ZNF804A: variants seen among roughly 807,000 people sequenced by gnomAD.
The protein encoded by ZNF804A is zinc finger protein 804A.
In ZNF804A, 2 loss-of-function variants were observed where a neutral mutation model predicts 16.5. That is an observed-to-expected ratio of 0.12 (90% CI 0.05 to 0.38). The LOEUF is 0.38. Ranked by LOEUF, ZNF804A falls within the 10% of genes least tolerant of loss-of-function variation. The pLI is 0.99. For synonymous variants in ZNF804A, 534 were observed against 489.6 expected (o/e 1.09, Z -1.20); for missense variants, 1,473 against 1,390.7 (o/e 1.06, Z -0.94).
intron 1 of ZNF804A, among the ~76,000 whole-genome samples, chr2:184,808,717 T>C (rs923927613): frequency 3.3e-5 from 5 of 151,690 alleles, no homozygotes; most frequent in African/African-American, 1.2e-4. Context: ...AAATATTTAG[T>C]AAAAATTGGT....
At position 184,790,600 on chromosome 2, in the gene ZNF804A, T is replaced by A. The variant is rs185930567; in HGVS notation, c.112-75769T>A. On this transcript the variant is annotated intron_variant, in intron 1 of 3. Transcript: ENST00000302277. ...ACCTTTATTCTTCTTATTATTTATTTTTTATTTATTTATTTATTTTTGAGA... is the reference window on the plus strand; with the variant it reads ...ACCTTTATTCTTCTTATTATTTATTATTTATTTATTTATTTATTTTTGAGA... Among the ~76,000 whole-genome samples, 14 of 152,008 alleles carry A rather than the reference T, an allele frequency of 9.2e-5. No individual in the cohort carries two copies. The East Asian group carries it at 9.7e-4, about 10-fold the overall frequency.
rs116703647 is a variant in ZNF804A, at chr2:184,742,060, T to C, written c.112-124309T>C. 2.0e-3 allele frequency among the ~76,000 whole-genome samples: 306 copies of C among 152,230 alleles called. 1 individual carries two copies. The highest frequency in any genetic ancestry group is 7.1e-3 in the African/African-American group (295 of 41,572). ...AGTTTTAGAAATTGATTCTTATCAA[T>C]AAGATATAAAATCTGCTCTTATAAA... On this transcript the variant is annotated intron_variant, in intron 1 of 3. Coordinates refer to ENST00000302277, the MANE Select transcript of ZNF804A (RefSeq NM_194250.2).
At chr2:184,703,849 A>G (rs946951609) in intron 1 of ZNF804A, among the ~76,000 whole-genome samples, 1 of 152,140 alleles carries the variant, frequency 6.6e-6, no homozygotes, top group Middle Eastern at 3.2e-3. Context: ...ATAATAGTGC[A>G]TATATAAAAT....
At chr2:184,747,787 T>C (rs1489941062) in intron 1 of ZNF804A, among the ~76,000 whole-genome samples, 1 of 151,228 alleles carries the variant, frequency 6.6e-6, no homozygotes, top group Non-Finnish European at 1.5e-5. Flanking sequence ...ATAGGTAGTT[T>C]CTCTGTGAAC....
intron 1 of ZNF804A, among the ~76,000 whole-genome samples, chr2:184,840,707 G>A (rs774611870): frequency 6.6e-6 from 1 of 151,736 alleles, no homozygotes; most frequent in Non-Finnish European, 1.5e-5. Flanking sequence ...AAATATACAC[G>A]CCCGCTAACA....
At chr2:184,606,359 C>A (rs886758876) in intron 1 of ZNF804A, among the ~76,000 whole-genome samples, 2 of 152,050 alleles carry the variant, frequency 1.3e-5, no homozygotes, top group African/African-American at 2.4e-5. Context: ...AGGGGAAATG[C>A]CAGATGCGTA....
At chr2:184,909,158 C>A (rs1278416975) in intron 2 of ZNF804A, among the ~76,000 whole-genome samples, 1 of 152,058 alleles carries the variant, frequency 6.6e-6, no homozygotes, top group East Asian at 1.9e-4. Flanking sequence ...CTGTTAGGAA[C>A]AAGTCTGTTT....
intron 1 of ZNF804A, among the ~76,000 whole-genome samples, chr2:184,684,681 G>A (rs765772655): frequency 8.5e-5 from 13 of 152,116 alleles, no homozygotes; most frequent in African/African-American, 1.2e-4. Context: ...CCCAGTTAGT[G>A]AGCACAGTAC....
At position 184,829,932 on chromosome 2, in the gene ZNF804A, A is replaced by AC. The variant is rs1467692363; in HGVS notation, c.112-36437_112-36436insC. ...AAAAAAAAAAAAAAAACAAAAACAAAAAAAAAAAAACCACACACACACAAA... is the reference window on the plus strand; with the variant it reads ...AAAAAAAAAAAAAAAACAAAAACAAACAAAAAAAAAACCACACACACACAAA... On this transcript the variant is annotated intron_variant, in intron 1 of 3. Coordinates refer to ENST00000302277, the MANE Select transcript of ZNF804A (RefSeq NM_194250.2). 1.2e-3 allele frequency among the ~76,000 whole-genome samples: 166 copies of AC among 138,192 alleles called. 1 individual carries two copies. Among genetic ancestry groups the AC allele is most frequent in the African/African-American group, 5.0e-3 (160 of 31,862 alleles). The allele number at this position is 138,192 out of a possible 152,430, so 90.7% of individuals were successfully genotyped here. A position where few individuals can be genotyped will look rare whatever the true frequency, so the allele number is the denominator to read the frequency against.
chr2:184,731,732 G>T (rs1225838110), intron 1 of ZNF804A, among the ~76,000 whole-genome samples: 1 of 151,558 alleles, frequency 6.6e-6, no homozygotes, highest in Non-Finnish European at 1.5e-5. Context: ...ACACTACCTG[G>T]CTATTTTTTA....
intron 1 of ZNF804A, among the ~76,000 whole-genome samples, chr2:184,723,901 A>G (rs1198983651): frequency 6.6e-6 from 1 of 151,694 alleles, no homozygotes; most frequent in African/African-American, 2.4e-5. Context: ...AGATACATAG[A>G]TGGATGGATT....
chr2:184,794,891 C>T (rs866927475), intron 1 of ZNF804A, among the ~76,000 whole-genome samples: 1 of 151,724 alleles, frequency 6.6e-6, no homozygotes, highest in Middle Eastern at 3.4e-3. Context: ...TATATATGCA[C>T]CTAACATACT....
At chr2:184,783,238 C>T (rs1179131041) in intron 1 of ZNF804A, among the ~76,000 whole-genome samples, 4 of 134,332 alleles carry the variant, frequency 3.0e-5, no homozygotes, top group East Asian at 4.8e-4. Context: ...TAGGATACAG[C>T]GGGTAGGCAA....
intron 1 of ZNF804A, among the ~76,000 whole-genome samples, chr2:184,842,760 A>G (rs910718208): frequency 2.0e-5 from 3 of 152,150 alleles, no homozygotes; most frequent in African/African-American, 7.2e-5. Flanking sequence ...AGCTCTGGGA[A>G]ATTTTAGTCT....
At chr2:184,731,496 A>G (rs1049354669) in intron 1 of ZNF804A, among the ~76,000 whole-genome samples, 6 of 149,370 alleles carry the variant, frequency 4.0e-5, no homozygotes, top group African/African-American at 1.5e-4. Context: ...GATGTGGAAC[A>G]TCTTTTTCTA....
chr2:184,625,163 A>G (rs1165337430), intron 1 of ZNF804A, among the ~76,000 whole-genome samples: 1 of 152,192 alleles, frequency 6.6e-6, no homozygotes, highest in Non-Finnish European at 1.5e-5. Context: ...GACAAAAATA[A>G]TAATAAATGT....
intron 2 of ZNF804A, among the ~76,000 whole-genome samples, chr2:184,870,182 G>A (rs1462638730): frequency 3.3e-5 from 5 of 151,844 alleles, no homozygotes; most frequent in African/African-American, 9.7e-5. Flanking sequence ...TTCATTTTGA[G>A]ATTTTATATT....
intron 2 of ZNF804A, among the ~76,000 whole-genome samples, chr2:184,867,527 G>C (rs1212622605): frequency 6.6e-6 from 1 of 152,070 alleles, no homozygotes; most frequent in African/African-American, 2.4e-5. Context: ...TGTGCTTGGA[G>C]AGGATGGTGT....
chr2:184,799,672 C>T lies in ZNF804A; in HGVS notation c.112-66697C>T, dbSNP rs1026258017. On this transcript the variant is annotated intron_variant, in intron 1 of 3. Transcript: ENST00000302277. ...CCAAGTAGCTGGAACCACAGGCACA[C>T]ACCGTTATGCCTGGCTACTATTTTT... Among the ~76,000 whole-genome samples the T allele has an allele frequency of 7.2e-5, 11 of 152,070 alleles. 1 individual carries two copies. Among genetic ancestry groups the T allele is most frequent in the African/African-American group, 1.9e-4 (8 of 41,422 alleles).
Sources: allele counts gnomAD v4.1 joint callset (sites outside exome capture counted in the v4.1 genomes callset), GRCh38; gene constraint gnomAD v4.1.1; transcripts MANE v1.5; gene names NCBI Gene and HGNC (gene_info 2026-07-23, HGNC 2026-07-21).